Variants in TMEM132B observed in about 807,000 individuals in gnomAD.
TMEM132B encodes transmembrane protein 132B.
A neutral mutation model predicts 90.8 loss-of-function variants in TMEM132B; 18 were observed. The observed-to-expected ratio is 0.20, with a 90% confidence interval of 0.14 to 0.29. The LOEUF (loss-of-function observed/expected upper bound fraction) is 0.29, where lower values mean the gene tolerates loss of function less well. Among genes scored for constraint, TMEM132B ranks in the 10% least tolerant of loss-of-function variants. The pLI, the probability that TMEM132B is intolerant of heterozygous loss-of-function variation, is 1.00. For synonymous variants in TMEM132B, 504 were observed against 523.3 expected (o/e 0.96, Z 0.50); for missense variants, 1,096 against 1,326.8 (o/e 0.83, Z 2.70).
intron 3 of TMEM132B, among the ~76,000 whole-genome samples, chr12:125,515,571 TCACA>T (rs745934547): frequency 6.7e-6 from 1 of 149,472 alleles, no homozygotes; most frequent in East Asian, 2.0e-4. Context: ...TCTCCCACAC[TCACA>T]CACACACATT....
intron 3 of TMEM132B, among the ~76,000 whole-genome samples, chr12:125,430,644 C>T (rs1426489065): frequency 6.6e-6 from 1 of 152,214 alleles, no homozygotes; most frequent in Non-Finnish European, 1.5e-5. Flanking sequence ...GTCATCTCTG[C>T]ATCCAGCGTC....
At chr12:125,433,755 C>T (rs1880614281) in intron 3 of TMEM132B, among the ~76,000 whole-genome samples, 1 of 145,908 alleles carries the variant, frequency 6.9e-6, no homozygotes, top group Admixed American at 7.1e-5. Flanking sequence ...GAAAATGTGG[C>T]ACATATACAC....
chr12:125,300,009 C>G (rs1223240025), intron 1 of TMEM132B, among the ~76,000 whole-genome samples: 2 of 152,250 alleles, frequency 1.3e-5, no homozygotes, highest in Admixed American at 1.3e-4. Flanking sequence ...GGTCTGGCTC[C>G]CAGCTGTTCC....
chr12:125,636,422 A>G (rs1886480255), intron 5 of TMEM132B, among the ~76,000 whole-genome samples: 1 of 152,020 alleles, frequency 6.6e-6, no homozygotes, highest in East Asian at 1.9e-4. Context: ...AGCTCTCCTA[A>G]TTGTATTCCC....
At chr12:125,339,549 TC>T (rs1271106282) in intron 1 of TMEM132B, among the ~76,000 whole-genome samples, 3 of 152,166 alleles carry the variant, frequency 2.0e-5, no homozygotes, top group African/African-American at 7.2e-5. Flanking sequence ...AATGCCCCCA[TC>T]CTCAGTAAAA....
At chr12:125,585,350 G>A (rs969346447) in intron 5 of TMEM132B, 4 of 152,122 alleles carry the variant, frequency 2.6e-5, no homozygotes, top group African/African-American at 9.7e-5. Flanking sequence ...TAAATATTCA[G>A]AGTTTAGAAA....
chr12:125,306,094 A>G (rs1207298218), intron 1 of TMEM132B, among the ~76,000 whole-genome samples: 1 of 152,232 alleles, frequency 6.6e-6, no homozygotes, highest in Non-Finnish European at 1.5e-5. Flanking sequence ...TAGCTGGCCA[A>G]CTGGAAGCTT....
intron 1 of TMEM132B, among the ~76,000 whole-genome samples, chr12:125,219,780 T>A (rs1405921161): frequency 6.6e-6 from 1 of 152,206 alleles, no homozygotes; most frequent in East Asian, 1.9e-4. Context: ...ACAATCCCTT[T>A]CACAGGTGCC....
intron 5 of TMEM132B, among the ~76,000 whole-genome samples, chr12:125,592,791 C>G (rs1429540890): frequency 2.0e-5 from 3 of 152,148 alleles, no homozygotes; most frequent in African/African-American, 7.2e-5. Flanking sequence ...AGAGGCGCAC[C>G]TGAGCTGATG....
chr12:125,539,153 A>G (rs889524902), intron 4 of TMEM132B, among the ~76,000 whole-genome samples: 8 of 152,176 alleles, frequency 5.3e-5, no homozygotes. Context: ...TTGGCTTCCC[A>G]TTGCATTGTG....
chr12:125,542,135 T>C (rs1397642502), intron 4 of TMEM132B, among the ~76,000 whole-genome samples: 1 of 150,802 alleles, frequency 6.6e-6, no homozygotes, highest in African/African-American at 2.4e-5. Flanking sequence ...CATGTATGAG[T>C]TAGAAAAGTT....
intron 2 of TMEM132B, among the ~76,000 whole-genome samples, chr12:125,373,521 T>C (rs1240893688): frequency 6.6e-6 from 1 of 152,220 alleles, no homozygotes; most frequent in Non-Finnish European, 1.5e-5. Context: ...CATCTTGGAC[T>C]TCTGGCCTCC....
At chr12:125,470,964 C>T (rs983511286) in intron 3 of TMEM132B, among the ~76,000 whole-genome samples, 6 of 152,254 alleles carry the variant, frequency 3.9e-5, no homozygotes, top group African/African-American at 1.4e-4. Flanking sequence ...ATTACCTCGA[C>T]CTGACCAGCT....
rs185476813 is a variant in TMEM132B at position 125,255,195 on chromosome 12, G to A, written c.67+68329G>A. ...GCTCAGAACCAAGGTAGGGGCTTGC[G>A]GGGAGGAGAGGGTGGCAGCTTGCGG... On this transcript the variant is annotated intron_variant, in intron 1 of 8. Transcript: ENST00000682704. Among the ~76,000 whole-genome samples, 550 of 152,184 alleles carry A rather than the reference G, an allele frequency of 3.6e-3. 2 individuals are homozygous for A. The highest frequency in any genetic ancestry group is 5.9e-3 in the Non-Finnish European group (400 of 68,002).
intron 2 of TMEM132B, among the ~76,000 whole-genome samples, chr12:125,378,157 G>A (rs1878550490): frequency 6.6e-6 from 1 of 152,168 alleles, no homozygotes; most frequent in African/African-American, 2.4e-5. Flanking sequence ...TGGTGTTGGG[G>A]TCAGGAAGTA....
At chr12:125,576,965 TC>T (rs1272117742) in intron 4 of TMEM132B, among the ~76,000 whole-genome samples, 2 of 150,616 alleles carry the variant, frequency 1.3e-5, no homozygotes, top group Admixed American at 6.6e-5. Flanking sequence ...GTGATGCCTT[TC>T]TTTTTTTTTT....
At chr12:125,402,577 AT>A (rs1268825274) in intron 2 of TMEM132B, among the ~76,000 whole-genome samples, 2 of 152,224 alleles carry the variant, frequency 1.3e-5, no homozygotes, top group Non-Finnish European at 2.9e-5. Context: ...AAGATATGCA[AT>A]TTCACTTTGC....
chr12:125,195,955 T>G (rs1872915544), intron 1 of TMEM132B, among the ~76,000 whole-genome samples: 1 of 152,032 alleles, frequency 6.6e-6, no homozygotes, highest in Non-Finnish European at 1.5e-5. Flanking sequence ...GCAGTGAAAG[T>G]TCTAACCAAA....
intron 3 of TMEM132B, among the ~76,000 whole-genome samples, chr12:125,481,186 A>C (rs903425129): frequency 5.3e-5 from 8 of 152,222 alleles, no homozygotes; most frequent in Non-Finnish European, 1.2e-4. Flanking sequence ...ATTCCCTTTG[A>C]AAACTGGCAC....
Sources: allele counts gnomAD v4.1 joint callset (sites outside exome capture counted in the v4.1 genomes callset), GRCh38; gene constraint gnomAD v4.1.1; transcripts MANE v1.5; gene names NCBI Gene and HGNC (gene_info 2026-07-23, HGNC 2026-07-21).